Variants in COL22A1 observed in about 807,000 individuals in gnomAD.
The protein encoded by COL22A1 is collagen alpha-1(XXII) chain.
A neutral mutation model predicts 248.9 loss-of-function variants in COL22A1; 221 were observed. The observed-to-expected ratio is 0.89, with a 90% CI of 0.80 to 0.99. The LOEUF (loss-of-function observed/expected upper bound fraction) is 0.99. Ranked by LOEUF, COL22A1 falls within the 50% of genes least tolerant of loss-of-function variation. COL22A1 has a pLI of 0.00. For missense variants in COL22A1, 2,240 were observed against 2,179.0 expected, an observed-to-expected ratio of 1.03 and a Z score of -0.56; for synonymous variants, 891 against 793.4, an observed-to-expected ratio of 1.12 and a Z score of -2.07.
chr8:138,652,964 C>A (rs772134664), intron 45 of COL22A1, among the ~76,000 whole-genome samples: 2 of 151,942 alleles, frequency 1.3e-5, no homozygotes, highest in African/African-American at 4.8e-5. Flanking sequence ...CCAGGCTGAT[C>A]TTGCACTCCT....
chr8:138,758,907 C>A (rs4060123), intron 18 of COL22A1, among the ~76,000 whole-genome samples: 139,717 of 152,202 alleles, frequency 0.92, 64,196 homozygotes, highest in East Asian at 0.99. Flanking sequence ...CTTATAACAC[C>A]CACACATAGG....
chr8:138,820,643 GGAA>G lies in COL22A1; in HGVS notation c.1245+490_1245+492del, dbSNP rs565978294. Among the ~76,000 whole-genome samples the G allele has an allele frequency of 3.6e-3, 540 of 152,102 alleles. 2 individuals are homozygous for G. Among genetic ancestry groups the G allele is most frequent in the African/African-American group, 0.012 (515 of 41,484 alleles). On this transcript the variant is annotated intron_variant, in intron 7 of 64. Coordinates refer to ENST00000303045, the MANE Select transcript of COL22A1 (RefSeq NM_152888.3). ...ATTTTCCAATTTTTTTTACAATCAA[GGAA>G]GAAGGAAAAAATCTGTATTTAAATT...
rs1465202088 is a variant in COL22A1, at chr8:138,676,589, C to T, written c.3119G>A (p.Gly1040Asp). 14 of 1,568,138 alleles carry T rather than the reference C, an allele frequency of 8.9e-6. No individual in the cohort carries two copies. Among genetic ancestry groups the T allele is most frequent in the Non-Finnish European group, 1.2e-5 (14 of 1,155,490 alleles). ...GCCAGCAACCCCAATGCCTGGGTCA[C>T]CACGGCTGCCAGGAGAACCAGGGAT... ...PGIPGSPGSR[G>D]DPGIGVAGPP... Residue 1040 changes from glycine (G) to aspartate (D), a missense_variant, in exon 41 of 65, where the codon GGT becomes GAT. By Grantham distance (94) the Gly-to-Asp change is moderately conservative (BLOSUM62 -1). Coordinates refer to ENST00000303045, the MANE Select transcript of COL22A1 (RefSeq NM_152888.3).
intron 32 of COL22A1, among the ~76,000 whole-genome samples, chr8:138,698,750 G>T (rs1475690067): frequency 5.0e-4 from 76 of 151,422 alleles, no homozygotes; most frequent in Admixed American, 4.8e-3. Context: ...GAGAGGTGCG[G>T]TGTTCCTCAT....
rs1817305493 is a variant in COL22A1, at chr8:138,594,026, C to G, written c.4606G>C (p.Gly1536Arg). The G allele has an allele frequency of 1.9e-6, 3 of 1,570,450 alleles. No individual in the cohort carries two copies. Among genetic ancestry groups the G allele is most frequent in the Admixed American group, 2.1e-5 (1 of 48,376 alleles). Reference sequence around the variant, plus strand: ...CCAGGTCTTCACTCACCTTTGGGACCTATGGGTCCAGAGGGTCCTTCCAGA... The same window carrying G: ...CCAGGTCTTCACTCACCTTTGGGACGTATGGGTCCAGAGGGTCCTTCCAGA... ...GGLEGPSGPI[G>R]PKGERGAKGD... is the part of the protein sequence containing the mutation. Residue 1536 changes from glycine (G) to arginine (R), a missense_variant, in exon 63 of 65, where the codon GGT becomes CGT. Transcript: ENST00000303045.
At chr8:138,858,611 C>T (rs1402082195) in intron 3 of COL22A1, among the ~76,000 whole-genome samples, 1 of 152,140 alleles carries the variant, frequency 6.6e-6, no homozygotes, top group Non-Finnish European at 1.5e-5. Context: ...CAAACCTAGT[C>T]AGTCCATTAC....
chr8:138,707,320 C>A (rs1295401392), intron 30 of COL22A1, among the ~76,000 whole-genome samples: 1 of 152,144 alleles, frequency 6.6e-6, no homozygotes, highest in Non-Finnish European at 1.5e-5. Context: ...CAAAGCTTGG[C>A]AGAGACACAA....
At chr8:138,704,458 C>A (rs1453986286) in intron 30 of COL22A1, among the ~76,000 whole-genome samples, 1 of 152,232 alleles carries the variant, frequency 6.6e-6, no homozygotes, top group Non-Finnish European at 1.5e-5. Flanking sequence ...GCAACATTTG[C>A]TGTTCTGCAA....
At chr8:138,698,263 C>T (rs1361159858) in intron 32 of COL22A1, among the ~76,000 whole-genome samples, 1 of 152,192 alleles carries the variant, frequency 6.6e-6, no homozygotes, top group Non-Finnish European at 1.5e-5. Context: ...CACAGGACAG[C>T]CAGCCGGAAC....
Position 138,589,197 on chromosome 8 carries a change from G to C in COL22A1, c.*56C>G. On this transcript the variant is annotated 3_prime_UTR_variant, in exon 65 of 65. Transcript: ENST00000303045. ...TTTCAAGACCTCTGGCTTCCCACTG[G>C]GCTCTGAGTTCAAGTTTCAGAAATC... 6.5e-7 allele frequency: 1 copy of C among 1,549,224 alleles called. No individual in the cohort carries two copies. Among genetic ancestry groups the C allele is most frequent in the Non-Finnish European group, 8.9e-7 (1 of 1,129,898 alleles).
intron 30 of COL22A1, among the ~76,000 whole-genome samples, chr8:138,711,694 G>A (rs1563650729): frequency 6.6e-6 from 1 of 152,210 alleles, no homozygotes; most frequent in Non-Finnish European, 1.5e-5. Flanking sequence ...GGGAGACACT[G>A]CCTGGAGCCC....
intron 17 of COL22A1, 50 bp from the exon 18 acceptor site, chr8:138,760,337 T>C: frequency 6.5e-7 from 1 of 1,539,050 alleles, no homozygotes; most frequent in Non-Finnish European, 8.8e-7. Flanking sequence ...ACGGATACGG[T>C]GGTGGGGTGT....
chr8:138,771,243 A>G (rs1308239410), intron 16 of COL22A1, among the ~76,000 whole-genome samples: 1 of 152,126 alleles, frequency 6.6e-6, no homozygotes, highest in African/African-American at 2.4e-5. Flanking sequence ...GCTTACCCCA[A>G]AGGAAGCTCC....
intron 32 of COL22A1, 151 bp from the exon 33 acceptor site, chr8:138,695,030 G>A (rs1827395481): frequency 1.5e-6 from 1 of 666,840 alleles, no homozygotes; most frequent in East Asian, 2.8e-5. Flanking sequence ...CCCTCTGCCT[G>A]GGGGTTCTTC....
chr8:138,741,440 T>C (rs1002690312), intron 22 of COL22A1, among the ~76,000 whole-genome samples: 2 of 152,216 alleles, frequency 1.3e-5, no homozygotes, highest in African/African-American at 2.4e-5. Flanking sequence ...TAAGGTACAT[T>C]GGAAGGATAA....
Position 138,883,112 on chromosome 8 carries a change from C to G in COL22A1, c.61G>C (p.Gly21Arg), listed in dbSNP as rs753469570. The change falls in exon 2 of 65, where the codon GGG becomes CGG. Residue 21 changes from glycine (G) to arginine (R), a missense_variant. Coordinates refer to ENST00000303045, the MANE Select transcript of COL22A1 (RefSeq NM_152888.3). Reference protein sequence around the residue: ...GLLWMLLLWSGGGGCQAQRAG... With the variant: ...GLLWMLLLWSRGGGCQAQRAG... The stretch of plus-strand genomic sequence containing the variant: ...CGCTGAGCCTGGCAGCCGCCGCCCC[C>G]ACTCCACAGCAGCAGCATCCAGAGG... 6.3e-7 allele frequency: 1 copy of G among 1,597,032 alleles called. No homozygotes were observed. The highest frequency in any genetic ancestry group is 8.5e-7 in the Non-Finnish European group (1 of 1,173,024).
Position 138,685,194 on chromosome 8 carries a change from G to T in COL22A1, c.2967+14C>A. Reference sequence around the variant, plus strand: ...GGTTTCTACAGGCACTGGGACCCCCGACCTTCCACTTACCGGCTCTCCATC... The same window carrying T: ...GGTTTCTACAGGCACTGGGACCCCCTACCTTCCACTTACCGGCTCTCCATC... On this transcript the variant is annotated intron_variant, in intron 38 of 64. Transcript: ENST00000303045. 2 of 1,564,720 alleles carry T rather than the reference G, an allele frequency of 1.3e-6. No individual in the cohort carries two copies. The highest frequency in any genetic ancestry group is 1.1e-5 in the South Asian group (1 of 88,558).
At chr8:138,789,609 C>G (rs1026020298) in intron 12 of COL22A1, among the ~76,000 whole-genome samples, 2 of 152,168 alleles carry the variant, frequency 1.3e-5, no homozygotes, top group Non-Finnish European at 2.9e-5. Flanking sequence ...TAAGCTGATT[C>G]CTATAAGGTT....
At chr8:138,789,957 T>A (rs1380409010) in intron 12 of COL22A1, among the ~76,000 whole-genome samples, 2 of 152,222 alleles carry the variant, frequency 1.3e-5, no homozygotes, top group Non-Finnish European at 2.9e-5. Flanking sequence ...GGCCAATAAG[T>A]TCTGCATGGC....
Sources: allele counts gnomAD v4.1 joint callset (sites outside exome capture counted in the v4.1 genomes callset), GRCh38; gene constraint gnomAD v4.1.1; transcripts MANE v1.5; gene names NCBI Gene and HGNC (gene_info 2026-07-23, HGNC 2026-07-21).